Variants in FIP1L1 observed in about 807,000 individuals in gnomAD.
FIP1L1 encodes the protein factor interacting with PAPOLA and CPSF1, also known as pre-mRNA 3'-end-processing factor FIP1.
FIP1L1 carries 21 observed loss-of-function variants against 84.6 expected under a neutral mutation model. The ratio of observed to expected loss-of-function variants is 0.25; its 90% CI spans 0.18 to 0.36. The LOEUF is 0.36. FIP1L1 is among the 10% of genes least tolerant of loss of function. FIP1L1 has a pLI of 1.00. For missense variants in FIP1L1, 526 were observed against 751.1 expected, an observed-to-expected ratio of 0.70 and a Z score of 3.50; for synonymous variants, 263 against 242.3, an observed-to-expected ratio of 1.09 and a Z score of -0.80.
intron 9 of FIP1L1, among the ~76,000 whole-genome samples, chr4:53,397,894 C>T (rs1156292387): frequency 1.3e-5 from 2 of 152,038 alleles, no homozygotes; most frequent in Non-Finnish European, 2.9e-5. Context: ...TTTGTTTTGG[C>T]CATGGTAACT....
chr4:53,411,499 G>C (rs534160559), intron 10 of FIP1L1, among the ~76,000 whole-genome samples: 1 of 151,826 alleles, frequency 6.6e-6, no homozygotes, highest in Non-Finnish European at 1.5e-5. Context: ...TGTTTTATTC[G>C]TTATATTTAT....
intron 11 of FIP1L1, among the ~76,000 whole-genome samples, chr4:53,421,873 C>T (rs1762554680): frequency 6.6e-6 from 1 of 152,180 alleles, no homozygotes; most frequent in Admixed American, 6.6e-5. Context: ...AAATCAGGGA[C>T]GTCCTGATTC....
chr4:53,409,406 C>T (rs1413614564), intron 10 of FIP1L1, among the ~76,000 whole-genome samples: 3 of 152,210 alleles, frequency 2.0e-5, no homozygotes, highest in Non-Finnish European at 4.4e-5. Flanking sequence ...TCTGCCCCTA[C>T]TGGGGGGTGT....
intron 11 of FIP1L1, among the ~76,000 whole-genome samples, chr4:53,423,771 A>T (rs934638712): frequency 1.4e-4 from 22 of 152,198 alleles, no homozygotes; most frequent in Non-Finnish European, 2.5e-4. Flanking sequence ...TTTCTCAGTT[A>T]TATGTTTTTA....
At chr4:53,406,448 A>C (rs1753521532) in intron 10 of FIP1L1, among the ~76,000 whole-genome samples, 1 of 152,174 alleles carries the variant, frequency 6.6e-6, no homozygotes, top group Non-Finnish European at 1.5e-5. Flanking sequence ...AATGTTCATC[A>C]GGGATATTGG....
chr4:53,378,216 C>G (rs927185462), intron 1 of FIP1L1: 2 of 326,242 alleles, frequency 6.1e-6, no homozygotes, highest in Non-Finnish European at 1.1e-5. Context: ...GCGTCTCGAT[C>G]GCCTAGCTGC....
chr4:53,422,192 C>T (rs879837656), intron 11 of FIP1L1, among the ~76,000 whole-genome samples: 1 of 152,060 alleles, frequency 6.6e-6, no homozygotes, highest in African/African-American at 2.4e-5. Flanking sequence ...GTGGTCCCAA[C>T]CAGTATTTCT....
At chr4:53,414,532 T>A in intron 10 of FIP1L1, 83 bp from the exon 11 acceptor site, 1 of 776,650 alleles carries the variant, frequency 1.3e-6, no homozygotes. Flanking sequence ...AGAAAAAGCA[T>A]GTCAAGAAAA....
At chr4:53,408,506 G>C (rs1188800378) in intron 10 of FIP1L1, among the ~76,000 whole-genome samples, 1 of 152,052 alleles carries the variant, frequency 6.6e-6, no homozygotes. Context: ...TATCTTTGTG[G>C]CGTTCTCTGT....
chr4:53,434,712 C>T (rs2150114843), intron 13 of FIP1L1, among the ~76,000 whole-genome samples: 1 of 152,298 alleles, frequency 6.6e-6, no homozygotes, highest in Middle Eastern at 3.4e-3. Flanking sequence ...AAGTGATCCA[C>T]CCACCTCGGC....
At chr4:53,386,991 G>C (rs1741453325) in intron 5 of FIP1L1, among the ~76,000 whole-genome samples, 1 of 152,106 alleles carries the variant, frequency 6.6e-6, no homozygotes, top group African/African-American at 2.4e-5. Flanking sequence ...CCCCTAATTA[G>C]GTTTTTAGAC....
chr4:53,449,924 C>T (rs953169049), intron 15 of FIP1L1, among the ~76,000 whole-genome samples: 3 of 152,044 alleles, frequency 2.0e-5, no homozygotes, highest in Non-Finnish European at 2.9e-5. Flanking sequence ...TCTGTGTTGT[C>T]TGTAGTTGTG....
chr4:53,388,632 G>A (rs1186511742), intron 5 of FIP1L1, among the ~76,000 whole-genome samples: 2 of 152,180 alleles, frequency 1.3e-5, no homozygotes, highest in African/African-American at 4.8e-5. Context: ...GCCGTGCCCG[G>A]CCGTCTTACT....
At chr4:53,456,906 T>G (rs946876367) in intron 16 of FIP1L1, among the ~76,000 whole-genome samples, 6 of 152,190 alleles carry the variant, frequency 3.9e-5, no homozygotes, top group South Asian at 4.1e-4. Context: ...AGTTAACAAA[T>G]GACACATTAT....
chr4:53,411,456 A>AT (rs1489149390), intron 10 of FIP1L1, among the ~76,000 whole-genome samples: 1 of 151,788 alleles, frequency 6.6e-6, no homozygotes, highest in Non-Finnish European at 1.5e-5. Context: ...CTTTGCAGTC[A>AT]TTGTGAAATA....
At chr4:53,450,224 G>C (rs369519981) in intron 15 of FIP1L1, among the ~76,000 whole-genome samples, 2 of 151,840 alleles carry the variant, frequency 1.3e-5, no homozygotes, top group African/African-American at 4.8e-5. Flanking sequence ...CTAAACTTTC[G>C]ATAAATCTTA....
chr4:53,435,536 A>G (rs982123690), intron 13 of FIP1L1, among the ~76,000 whole-genome samples: 6 of 152,182 alleles, frequency 3.9e-5, no homozygotes, highest in African/African-American at 1.4e-4. Flanking sequence ...TAGGCTTTAG[A>G]TTTTATAAAA....
rs1772483557 is a variant in FIP1L1 at position 53,442,649 on chromosome 4, T to C, written c.1175-4T>C. ...ATTTTTTATCTTATGATTGAATGTT[T>C]CAGGTTTTCCTCCTCCACCAGGCGC... On this transcript the variant is annotated splice_region_variant and splice_polypyrimidine_tract_variant and intron_variant, in intron 13 of 17. Transcript: ENST00000337488. 7.5e-6 allele frequency: 12 copies of C among 1,595,848 alleles called. No individual in the cohort carries two copies. In the East Asian group the frequency reaches 2.7e-4, roughly 36 times the overall value.
intron 10 of FIP1L1, 145 bp downstream of exon 10, chr4:53,399,984 C>A: frequency 3.5e-6 from 2 of 566,288 alleles, no homozygotes; most frequent in South Asian, 3.0e-5. Flanking sequence ...GAATTCTTCA[C>A]AAGAAACTTC....
Sources: gnomAD v4.1 joint callset for allele counts (sites outside exome capture counted in the v4.1 genomes callset) on GRCh38, gnomAD v4.1.1 for gene constraint, MANE v1.5 for transcripts, NCBI Gene and HGNC (gene_info 2026-07-23, HGNC 2026-07-21) for gene names.